FHOD3: variants seen among roughly 807,000 people sequenced by gnomAD.
FHOD3 encodes FH1/FH2 domain-containing protein 3.
Under a neutral mutation model 173.0 loss-of-function variants are expected in FHOD3, and 90 were observed. The observed-to-expected ratio is 0.52, with a 90% CI of 0.44 to 0.62. The LOEUF (loss-of-function observed/expected upper bound fraction) is 0.62, where lower values mean the gene tolerates loss of function less well. Among genes scored for constraint, FHOD3 ranks in the 20% least tolerant of loss-of-function variants. The pLI, the probability that FHOD3 is intolerant of heterozygous loss-of-function variation, is 0.00. For synonymous variants in FHOD3, 828 were observed against 823.0 expected (o/e 1.01, Z -0.10); for missense variants, 1,945 against 2,034.7 (o/e 0.96, Z 0.85).
intron 10 of FHOD3, among the ~76,000 whole-genome samples, chr18:36,644,633 G>A (rs765653233): frequency 1.3e-5 from 2 of 152,236 alleles, no homozygotes; most frequent in Non-Finnish European, 2.9e-5. Flanking sequence ...TGAGCCCAAA[G>A]AGAAGACAGC....
chr18:36,608,499 A>C (rs2032328320), intron 8 of FHOD3, among the ~76,000 whole-genome samples: 1 of 152,188 alleles, frequency 6.6e-6, no homozygotes, highest in South Asian at 2.1e-4. Context: ...CAACACATGA[A>C]CTTTGGGTGG....
At chr18:36,315,595 C>T (rs1377016967) in intron 1 of FHOD3, among the ~76,000 whole-genome samples, 1 of 152,126 alleles carries the variant, frequency 6.6e-6, no homozygotes, top group Non-Finnish European at 1.5e-5. Context: ...TTGCTTGTAA[C>T]ATTAGAGTTT....
intron 17 of FHOD3, among the ~76,000 whole-genome samples, chr18:36,698,483 T>G (rs1215903971): frequency 1.3e-5 from 2 of 152,138 alleles, no homozygotes; most frequent in Non-Finnish European, 2.9e-5. Context: ...AAGAAGAGCA[T>G]TATTTCTAAG....
chr18:36,667,511 C>T (rs1177671796), intron 14 of FHOD3, among the ~76,000 whole-genome samples: 1 of 152,096 alleles, frequency 6.6e-6, no homozygotes, highest in Non-Finnish European at 1.5e-5. Context: ...TATGGTATAG[C>T]CTGTTACTCC....
intron 5 of FHOD3, among the ~76,000 whole-genome samples, chr18:36,541,008 T>C (rs1324552529): frequency 6.6e-6 from 1 of 151,976 alleles, no homozygotes; most frequent in Non-Finnish European, 1.5e-5. Context: ...CCCAGCACTT[T>C]AGGAGGCCGA....
At chr18:36,773,890 T>A (rs1434157597) in intron 28 of FHOD3, among the ~76,000 whole-genome samples, 1 of 152,214 alleles carries the variant, frequency 6.6e-6, no homozygotes, top group Non-Finnish European at 1.5e-5. Context: ...GGCTGCATTG[T>A]CAGCATAGCA....
intron 3 of FHOD3, among the ~76,000 whole-genome samples, chr18:36,501,205 G>C (rs925787043): frequency 5.3e-5 from 8 of 152,294 alleles, no homozygotes; most frequent in African/African-American, 1.9e-4. Context: ...TCCAAGAGTG[G>C]GATCTTTCAT....
At chr18:36,411,907 C>T (rs534068029) in intron 3 of FHOD3, among the ~76,000 whole-genome samples, 11 of 152,248 alleles carry the variant, frequency 7.2e-5, no homozygotes, top group Non-Finnish European at 1.3e-4. Context: ...AGCTGCTGCT[C>T]CAAGCAATGG....
chr18:36,485,897 C>T (rs1599340471), intron 3 of FHOD3, among the ~76,000 whole-genome samples: 1 of 152,140 alleles, frequency 6.6e-6, no homozygotes, highest in East Asian at 1.9e-4. Flanking sequence ...GTATGTGTTC[C>T]CTCAGCCTGG....
At chr18:36,682,018 C>G (rs2038280785) in intron 15 of FHOD3, among the ~76,000 whole-genome samples, 1 of 152,194 alleles carries the variant, frequency 6.6e-6, no homozygotes, top group African/African-American at 2.4e-5. Context: ...ACAATAATCT[C>G]TTGCTATGTG....
chr18:36,469,433 G>A (rs1052030357), intron 3 of FHOD3, among the ~76,000 whole-genome samples: 5 of 146,044 alleles, frequency 3.4e-5, no homozygotes, highest in Admixed American at 7.1e-5. Flanking sequence ...GGGAGGTGGG[G>A]TGGGGGCTGC....
At chr18:36,736,245 C>A (rs2041624493) in intron 20 of FHOD3, among the ~76,000 whole-genome samples, 1 of 152,230 alleles carries the variant, frequency 6.6e-6, no homozygotes, top group Non-Finnish European at 1.5e-5. Flanking sequence ...CCCTGACACC[C>A]CACAGGGCAT....
chr18:36,454,092 T>C (rs114718035), intron 3 of FHOD3, among the ~76,000 whole-genome samples: 91 of 152,346 alleles, frequency 6.0e-4, no homozygotes, highest in African/African-American at 2.1e-3. Flanking sequence ...ATATGGATCA[T>C]GAGAGCTCGG....
At chr18:36,483,515 G>A (rs7235669) in intron 3 of FHOD3, among the ~76,000 whole-genome samples, 2,376 of 152,278 alleles carry the variant, frequency 0.016, 59 homozygotes, top group African/African-American at 0.054. Flanking sequence ...ATTGAAGAAC[G>A]TGTATATGTC....
At chr18:36,384,663 TCAAA>T (rs1217969459) in intron 3 of FHOD3, among the ~76,000 whole-genome samples, 1 of 152,188 alleles carries the variant, frequency 6.6e-6, no homozygotes, top group Non-Finnish European at 1.5e-5. Context: ...ATTTGTGTGC[TCAAA>T]CAATGGGCAG....
chr18:36,466,959 T>G (rs1330600069), intron 3 of FHOD3, among the ~76,000 whole-genome samples: 1 of 152,142 alleles, frequency 6.6e-6, no homozygotes, highest in Non-Finnish European at 1.5e-5. Flanking sequence ...TACCTGGAAT[T>G]CCCCTTTAAG....
At chr18:36,456,333 T>G (rs1546564) in intron 3 of FHOD3, among the ~76,000 whole-genome samples, 22,189 of 152,016 alleles carry the variant, frequency 0.15, 3,759 homozygotes, top group African/African-American at 0.4. Flanking sequence ...CCTAGAGAGC[T>G]GGGGTCCGGG....
chr18:36,443,164 C>T (rs2051251025), intron 3 of FHOD3, among the ~76,000 whole-genome samples: 1 of 152,062 alleles, frequency 6.6e-6, no homozygotes, highest in African/African-American at 2.4e-5. Context: ...ACTGTTTTTC[C>T]CTTTGTAATC....
chr18:36,341,465 G>T (rs1300718024), intron 1 of FHOD3, among the ~76,000 whole-genome samples: 1 of 152,198 alleles, frequency 6.6e-6, no homozygotes, highest in Non-Finnish European at 1.5e-5. Context: ...ATTCTAAGTT[G>T]CTTTTCATCT....
Sources: gnomAD v4.1 joint callset for allele counts (sites outside exome capture counted in the v4.1 genomes callset) on GRCh38, gnomAD v4.1.1 for gene constraint, MANE v1.5 for transcripts, NCBI Gene and HGNC (gene_info 2026-07-23, HGNC 2026-07-21) for gene names.